The following LIPI variants were observed in gnomAD, a reference collection of about 807,000 sequenced individuals.
LIPI encodes lipase member I.
A neutral mutation model predicts 50.6 loss-of-function variants in LIPI; 59 were observed. The observed-to-expected ratio is 1.16, with a 90% CI of 0.94 to 1.45. The LOEUF is 1.45. Ranked by LOEUF, LIPI falls within the 40% of genes most tolerant of loss-of-function variation. LIPI has a pLI of 0.00. For missense variants in LIPI, 586 were observed against 536.3 expected, an observed-to-expected ratio of 1.09 and a Z score of -0.92; for synonymous variants, 203 against 178.2, an observed-to-expected ratio of 1.14 and a Z score of -1.11.
At position 14,183,720 on chromosome 21, in the gene LIPI, A is replaced by C. The variant is rs535166750; in HGVS notation, c.542-1861T>G. On this transcript the variant is annotated intron_variant, in intron 3 of 9. Coordinates refer to ENST00000681601, the MANE Select transcript of LIPI (RefSeq NM_001302998.2). ...CACCTATGCAGCCAAAAAACACATG[A>C]AAAAATGCTCATCATCACTGGCCAT... 1.2e-4 allele frequency among the ~76,000 whole-genome samples: 18 copies of C among 152,322 alleles called. No homozygotes were observed. The East Asian group carries it at 1.5e-3, about 13-fold the overall frequency.
At chr21:14,209,161 T>A (rs967901441) in intron 1 of LIPI, among the ~76,000 whole-genome samples, 1 of 152,208 alleles carries the variant, frequency 6.6e-6, no homozygotes, top group East Asian at 1.9e-4. Context: ...TATGCATATA[T>A]GCATATAATT....
At chr21:14,170,731 A>G (rs1351037095) in intron 4 of LIPI, among the ~76,000 whole-genome samples, 2 of 151,526 alleles carry the variant, frequency 1.3e-5, no homozygotes, top group Non-Finnish European at 3.0e-5. Flanking sequence ...AATAACAGCT[A>G]TCTATGACAA....
chr21:14,149,704 C>T (rs1202531416), intron 8 of LIPI, among the ~76,000 whole-genome samples: 1 of 152,178 alleles, frequency 6.6e-6, no homozygotes, highest in Non-Finnish European at 1.5e-5. Context: ...GCTACAGGCC[C>T]CATCCAAGTC....
intron 1 of LIPI, among the ~76,000 whole-genome samples, chr21:14,201,023 C>A (rs776998982): frequency 9.9e-5 from 15 of 151,748 alleles, no homozygotes; most frequent in Non-Finnish European, 1.6e-4. Context: ...GATTCCCTGT[C>A]GAATAAGTGG....
intron 8 of LIPI, among the ~76,000 whole-genome samples, chr21:14,148,045 A>G (rs1427382917): frequency 6.6e-6 from 1 of 152,152 alleles, no homozygotes; most frequent in Non-Finnish European, 1.5e-5. Context: ...CTATATTGGC[A>G]TATTAATATA....
At chr21:14,207,040 C>G in intron 1 of LIPI, 1 of 735,422 alleles carries the variant, frequency 1.4e-6, no homozygotes. Flanking sequence ...CTTTATGCTA[C>G]GAAGACAGTG....
At chr21:14,172,852 A>G (rs966994262) in intron 4 of LIPI, among the ~76,000 whole-genome samples, 8 of 152,130 alleles carry the variant, frequency 5.3e-5, no homozygotes, top group African/African-American at 1.7e-4. Flanking sequence ...TGTACCCTAA[A>G]ACTTAAAGTA....
chr21:14,185,384 C>G (rs939823782), intron 3 of LIPI, among the ~76,000 whole-genome samples: 4 of 152,098 alleles, frequency 2.6e-5, no homozygotes, highest in Non-Finnish European at 5.9e-5. Flanking sequence ...TGTATTCTTA[C>G]GATAGTATGT....
intron 7 of LIPI, among the ~76,000 whole-genome samples, chr21:14,153,100 G>T (rs770322135): frequency 6.6e-6 from 1 of 152,144 alleles, no homozygotes; most frequent in Non-Finnish European, 1.5e-5. Flanking sequence ...CTTGCCAAAC[G>T]TAAGTCCTAA....
At chr21:14,170,044 C>T (rs2018836052) in intron 4 of LIPI, among the ~76,000 whole-genome samples, 1 of 152,168 alleles carries the variant, frequency 6.6e-6, no homozygotes, top group Non-Finnish European at 1.5e-5. Flanking sequence ...CACCACCCAT[C>T]CCACAGAAAT....
intron 9 of LIPI, chr21:14,143,564 A>G (rs1227247674): frequency 6.6e-6 from 1 of 152,158 alleles, no homozygotes; most frequent in Non-Finnish European, 1.5e-5. Flanking sequence ...ATAAATATAT[A>G]TAAATACAGG....
chr21:14,182,880 G>A (rs937693364), intron 3 of LIPI, among the ~76,000 whole-genome samples: 4 of 152,188 alleles, frequency 2.6e-5, no homozygotes, highest in Admixed American at 2.6e-4. Flanking sequence ...TCATGGGTAG[G>A]AAGAATCAAT....
rs762416360 is a variant in LIPI at position 14,186,035 on chromosome 21, A to G, written c.467T>C (p.Ile156Thr). 3 of 1,604,082 alleles carry G rather than the reference A, an allele frequency of 1.9e-6. No homozygotes were observed. The East Asian group carries it at 6.7e-5, about 36-fold the overall frequency. The change falls in exon 3 of 10, where the codon ATA (isoleucine) becomes ACA (threonine). Residue 156 changes from isoleucine to threonine, a missense_variant. Physicochemically the swap from Ile to Thr is moderately conservative, Grantham distance 89 (BLOSUM62 -1). Transcript: ENST00000681601. The stretch of plus-strand genomic sequence containing the variant: ...GATATGAGCCCCTAAGCTCACACCT[A>G]TGAAATGAAAATTGTCAAGAGATGC... Reference protein sequence around the residue: ...HGASLDNFHFIGVSLGAHISG... With the variant: ...HGASLDNFHFTGVSLGAHISG...
chr21:14,133,336 T>C (rs1220184273), intron 9 of LIPI, among the ~76,000 whole-genome samples: 1 of 152,108 alleles, frequency 6.6e-6, no homozygotes, highest in Non-Finnish European at 1.5e-5. Context: ...GTTCCACATG[T>C]GCAAATTAAT....
At chr21:14,199,906 G>A (rs1367735732) in intron 1 of LIPI, among the ~76,000 whole-genome samples, 2 of 152,100 alleles carry the variant, frequency 1.3e-5, no homozygotes, top group East Asian at 3.9e-4. Flanking sequence ...TATCCACCAT[G>A]ATCAAGTAGG....
chr21:14,159,607 A>G (rs961327082), intron 7 of LIPI, among the ~76,000 whole-genome samples: 1 of 151,328 alleles, frequency 6.6e-6, no homozygotes, highest in Non-Finnish European at 1.5e-5. Flanking sequence ...GCTTACCACT[A>G]TTATTCAAAA....
At chr21:14,159,018 A>T (rs1467378961) in intron 7 of LIPI, among the ~76,000 whole-genome samples, 1 of 151,562 alleles carries the variant, frequency 6.6e-6, no homozygotes, top group Non-Finnish European at 1.5e-5. Context: ...AAAAGTCTCC[A>T]GACCCAAATG....
At chr21:14,179,718 T>A (rs72475429) in intron 4 of LIPI, among the ~76,000 whole-genome samples, 12 of 151,554 alleles carry the variant, frequency 7.9e-5, no homozygotes, top group African/African-American at 2.9e-4. Context: ...TTTACTTTAA[T>A]CCCTTAATCC....
At chr21:14,196,173 C>CAATT (rs2019844203) in intron 1 of LIPI, among the ~76,000 whole-genome samples, 1 of 32,930 alleles carries the variant, frequency 3.0e-5, no homozygotes, top group Admixed American at 2.6e-4. Flanking sequence ...AAAAACAAAA[C>CAATT]AAGAAGTATA....
Sources: gnomAD v4.1 joint callset for allele counts (sites outside exome capture counted in the v4.1 genomes callset) on GRCh38, gnomAD v4.1.1 for gene constraint, MANE v1.5 for transcripts, NCBI Gene and HGNC (gene_info 2026-07-23, HGNC 2026-07-21) for gene names.